The following LRP5 variants were observed in gnomAD, a reference collection of about 807,000 sequenced individuals.
LRP5 encodes the protein LDL receptor related protein 5.
LRP5 carries 62 observed loss-of-function variants against 154.1 expected under a neutral mutation model. The observed-to-expected ratio is 0.40, with a 90% confidence interval of 0.33 to 0.50. LRP5 has a LOEUF of 0.50. Ranked by LOEUF, LRP5 falls within the 20% of genes least tolerant of loss-of-function variation. LRP5 has a pLI of 0.55. For missense variants in LRP5, 1,915 were observed against 2,336.7 expected (o/e 0.82, Z 3.72); for synonymous variants, 966 against 1,011.5 (o/e 0.96, Z 0.85).
chr11:68,364,763 G>A (rs1386224913), intron 4 of LRP5, among the ~76,000 whole-genome samples: 3 of 152,166 alleles, frequency 2.0e-5, no homozygotes, highest in Non-Finnish European at 2.9e-5. Context: ...GGTGCCAGCT[G>A]TTCCCAGAGC....
chr11:68,409,071 A>ATATATATATATATATAT (rs1324458424), intron 9 of LRP5, among the ~76,000 whole-genome samples: 5 of 52,616 alleles, frequency 9.5e-5, no homozygotes, highest in African/African-American at 4.1e-4. Flanking sequence ...AAAAAAAAAA[A>ATATATATATATATATAT]AAATATATAT....
At chr11:68,324,324 C>T (rs565570711) in intron 1 of LRP5, among the ~76,000 whole-genome samples, 1 of 152,356 alleles carries the variant, frequency 6.6e-6, no homozygotes, top group African/African-American at 2.4e-5. Flanking sequence ...ATAGTGAGAG[C>T]TGCGTCCACA....
intron 1 of LRP5, among the ~76,000 whole-genome samples, chr11:68,339,252 C>T (rs1317536236): frequency 2.6e-5 from 4 of 151,390 alleles, no homozygotes; most frequent in African/African-American, 4.9e-5. Flanking sequence ...CTCAGCTCAC[C>T]GCAACCTCCA....
chr11:68,416,702 C>A (rs1049996516), intron 13 of LRP5, among the ~76,000 whole-genome samples, 175 bp downstream of exon 13: 4 of 152,248 alleles, frequency 2.6e-5, no homozygotes, highest in Admixed American at 2.6e-4. Context: ...ATGCGTGGAA[C>A]CCCGAGACTG....
intron 7 of LRP5, among the ~76,000 whole-genome samples, chr11:68,393,090 A>T (rs1455805860): frequency 6.6e-6 from 1 of 151,760 alleles, no homozygotes; most frequent in Non-Finnish European, 1.5e-5. Flanking sequence ...TGATCGCACC[A>T]CTGCACTCCA....
chr11:68,373,943 C>T (rs747651439), intron 5 of LRP5, among the ~76,000 whole-genome samples: 5 of 152,172 alleles, frequency 3.3e-5, no homozygotes, highest in Non-Finnish European at 7.3e-5. Flanking sequence ...ACTCGGGCCA[C>T]ACGTGCCCTG....
chr11:68,314,195 AG>A (rs3837373), intron 1 of LRP5, among the ~76,000 whole-genome samples: 1 of 152,016 alleles, frequency 6.6e-6, no homozygotes, highest in South Asian at 2.1e-4. Context: ...TTTGTTTTAA[AG>A]GGGGGGTTTC....
intron 1 of LRP5, among the ~76,000 whole-genome samples, chr11:68,332,153 C>T (rs898921446): frequency 3.9e-5 from 6 of 152,090 alleles, no homozygotes; most frequent in African/African-American, 1.2e-4. Context: ...CTCTTGTGGT[C>T]GTTAAGAAAA....
chr11:68,337,958 A>G (rs753522680), intron 1 of LRP5, among the ~76,000 whole-genome samples: 30 of 152,148 alleles, frequency 2.0e-4, no homozygotes, highest in Non-Finnish European at 3.4e-4. Context: ...ATCCATCCCC[A>G]GGCTCCAGGC....
chr11:68,344,849 CTTTTTTTTTTT>C (rs58477287), intron 1 of LRP5, among the ~76,000 whole-genome samples: 34 of 65,572 alleles, frequency 5.2e-4, no homozygotes, highest in East Asian at 4.1e-3. Flanking sequence ...GAATCTCTCT[CTTTTTTTTTTT>C]TTTTTTTTTT....
At chr11:68,435,274 C>A (rs528083914) in intron 18 of LRP5, among the ~76,000 whole-genome samples, 1 of 152,310 alleles carries the variant, frequency 6.6e-6, no homozygotes, top group South Asian at 2.1e-4. Context: ...GGAATTGTCC[C>A]TGTGTTGGTC....
chr11:68,349,445 G>A (rs963803218), intron 2 of LRP5, among the ~76,000 whole-genome samples: 4 of 152,220 alleles, frequency 2.6e-5, no homozygotes, highest in African/African-American at 9.7e-5. Context: ...GGCCTGGGAA[G>A]TGCGGACGCT....
chr11:68,416,328 C>T lies in LRP5; in HGVS notation c.2828C>T (p.Pro943Leu), dbSNP rs773251794. Residue 943 changes from proline (P) to leucine (L), a missense_variant and splice_region_variant, in exon 13 of 23, where the codon CCG (proline) becomes CTG (leucine). Physicochemically the swap from Pro to Leu is moderately conservative, Grantham distance 98. This residue lies in a region of LRP5 where 1,094 missense variants were observed against 1,210.1 expected (regional missense o/e 0.90). Transcript: ENST00000294304. The stretch of plus-strand genomic sequence containing the variant: ...GCAGCCCTGTCTTTGCCTCCTCTAG[C>T]GCCCACCACCTTCTTGCTGTTCAGC... ...TLDPSSRNCS[P>L]PTTFLLFSQK... 7 of 1,613,892 alleles carry T rather than the reference C, an allele frequency of 4.3e-6. No homozygotes were observed. Among genetic ancestry groups the T allele is most frequent in the South Asian group, 3.3e-5 (3 of 91,062 alleles).
chr11:68,345,520 C>T (rs984693671), intron 1 of LRP5, among the ~76,000 whole-genome samples: 1 of 151,998 alleles, frequency 6.6e-6, no homozygotes, highest in Non-Finnish European at 1.5e-5. Context: ...CTCCTGACCT[C>T]AGGTGATCCA....
At chr11:68,431,746 G>A (rs1189406993) in intron 17 of LRP5, among the ~76,000 whole-genome samples, 1 of 152,142 alleles carries the variant, frequency 6.6e-6, no homozygotes, top group Non-Finnish European at 1.5e-5. Context: ...GCAACCCAAC[G>A]GTGTCTGTGC....
At chr11:68,393,940 C>T (rs903137533) in intron 7 of LRP5, among the ~76,000 whole-genome samples, 1 of 152,102 alleles carries the variant, frequency 6.6e-6, no homozygotes, top group South Asian at 2.1e-4. Context: ...TGAGATACGT[C>T]GCACAGTCCC....
At chr11:68,416,583 G>A in intron 13 of LRP5, 56 bp downstream of exon 13, 2 of 1,551,250 alleles carry the variant, frequency 1.3e-6, no homozygotes, top group Non-Finnish European at 1.8e-6. Context: ...TCCTCTTGCT[G>A]GTTTCCAGGC....
intron 1 of LRP5, among the ~76,000 whole-genome samples, chr11:68,331,805 G>C (rs2098602982): frequency 6.6e-6 from 1 of 151,972 alleles, no homozygotes; most frequent in Admixed American, 6.6e-5. Context: ...ATTAGGATTA[G>C]AGAGAATTCG....
chr11:68,415,199 G>A (rs1239036697), intron 12 of LRP5, among the ~76,000 whole-genome samples: 5 of 152,178 alleles, frequency 3.3e-5, no homozygotes. Flanking sequence ...TCGGATCCTG[G>A]TACCAGTGCA....
Sources: gnomAD v4.1 joint callset for allele counts (sites outside exome capture counted in the v4.1 genomes callset) on GRCh38, gnomAD v4.1.1 for gene constraint, gnomAD v4.1.1 regional missense constraint, MANE v1.5 for transcripts, NCBI Gene and HGNC (gene_info 2026-07-23, HGNC 2026-07-21) for gene names.